The following GRM1 variants were observed in gnomAD, a reference collection of about 807,000 sequenced individuals.
GRM1 encodes the protein glutamate metabotropic receptor 1.
In GRM1, 33 loss-of-function variants were observed where a neutral mutation model predicts 90.9. That is an observed-to-expected ratio of 0.36 (90% CI 0.28 to 0.49). The LOEUF is 0.49. Ranked by LOEUF, GRM1 falls within the 20% of genes least tolerant of loss-of-function variation. The pLI, the probability that GRM1 is intolerant of heterozygous loss-of-function variation, is 0.99. For missense variants in GRM1, 1,190 were observed against 1,534.3 expected (o/e 0.78, Z 3.75); for synonymous variants, 700 against 613.2 (o/e 1.14, Z -2.09).
chr6:146,051,017 C>T (rs1791504192), intron 1 of GRM1, among the ~76,000 whole-genome samples: 1 of 151,874 alleles, frequency 6.6e-6, no homozygotes, highest in African/African-American at 2.4e-5. Flanking sequence ...AATTTTGGTT[C>T]CTCCATTTGT....
chr6:146,217,886 G>A (rs1314765885), intron 2 of GRM1, among the ~76,000 whole-genome samples: 1 of 152,146 alleles, frequency 6.6e-6, no homozygotes, highest in Non-Finnish European at 1.5e-5. Context: ...AAGAATAGAT[G>A]TTGTAAGGCA....
rs193171377 is a variant in GRM1, at chr6:146,272,506, G to C, written c.951-32105G>C. Among the ~76,000 whole-genome samples, 110 of 152,258 alleles carry C rather than the reference G, an allele frequency of 7.2e-4. 1 individual carries two copies. Among genetic ancestry groups the C allele is most frequent in the African/African-American group, 2.6e-3 (106 of 41,556 alleles). ...GTAGAACTGATAAATAGTGTTTACT[G>C]AATAAATACACTACTAAATTATTCC... On this transcript the variant is annotated intron_variant, in intron 2 of 7. Transcript: ENST00000282753.
chr6:146,235,707 T>C (rs1277819294), intron 2 of GRM1, among the ~76,000 whole-genome samples: 1 of 142,618 alleles, frequency 7.0e-6, no homozygotes, highest in Non-Finnish European at 1.5e-5. Flanking sequence ...TTACCGTGTG[T>C]GTGTGTGTGT....
intron 7 of GRM1, among the ~76,000 whole-genome samples, chr6:146,413,601 C>T (rs1475800482): frequency 6.6e-6 from 1 of 152,012 alleles, no homozygotes; most frequent in Admixed American, 6.5e-5. Flanking sequence ...CAATAATATG[C>T]ATTGATATTA....
At chr6:146,393,747 C>A (rs2114556691) in intron 6 of GRM1, among the ~76,000 whole-genome samples, 1 of 152,210 alleles carries the variant, frequency 6.6e-6, no homozygotes, top group Admixed American at 6.5e-5. Context: ...ACTTTCTTCA[C>A]AGAATTAGAA....
intron 7 of GRM1, among the ~76,000 whole-genome samples, chr6:146,418,304 G>A (rs892261084): frequency 6.6e-6 from 1 of 151,746 alleles, no homozygotes; most frequent in East Asian, 1.9e-4. Context: ...GTAAAGCTAA[G>A]AGGAAAAAGA....
At chr6:146,337,310 C>T (rs992336092) in intron 3 of GRM1, among the ~76,000 whole-genome samples, 1 of 152,232 alleles carries the variant, frequency 6.6e-6, no homozygotes, top group African/African-American at 2.4e-5. Context: ...TTTTACTTCT[C>T]TGTGCCTGTT....
intron 3 of GRM1, among the ~76,000 whole-genome samples, chr6:146,314,220 C>A (rs1227109907): frequency 6.6e-6 from 1 of 151,226 alleles, no homozygotes; most frequent in Non-Finnish European, 1.5e-5. Context: ...GCATGTGCTA[C>A]CATGCCCGAT....
At chr6:146,403,877 C>G (rs554470101) in intron 7 of GRM1, among the ~76,000 whole-genome samples, 1 of 152,154 alleles carries the variant, frequency 6.6e-6, no homozygotes, top group South Asian at 2.1e-4. Context: ...TGTAATATTT[C>G]AATACCTGAA....
At chr6:146,350,501 A>G (rs1334147217) in intron 3 of GRM1, among the ~76,000 whole-genome samples, 1 of 150,726 alleles carries the variant, frequency 6.6e-6, no homozygotes, top group Non-Finnish European at 1.5e-5. Context: ...GGTAATTTCT[A>G]TGATTCTAGT....
At chr6:146,298,709 A>G (rs893166994) in intron 2 of GRM1, among the ~76,000 whole-genome samples, 7 of 152,178 alleles carry the variant, frequency 4.6e-5, no homozygotes, top group East Asian at 3.9e-4. Flanking sequence ...TCTACTGAGT[A>G]AGGTGTGAGG....
chr6:146,040,034 A>T (rs1210612016), intron 1 of GRM1, among the ~76,000 whole-genome samples: 1 of 151,992 alleles, frequency 6.6e-6, no homozygotes. Flanking sequence ...ATGAAAATTG[A>T]TGGGATTGCC....
chr6:146,292,032 A>G (rs1783004538), intron 2 of GRM1, among the ~76,000 whole-genome samples: 1 of 152,058 alleles, frequency 6.6e-6, no homozygotes. Context: ...TTTTCAGTGA[A>G]GAAGCCAAGA....
intron 1 of GRM1, among the ~76,000 whole-genome samples, chr6:146,115,406 C>A (rs533472040): frequency 7.3e-4 from 111 of 152,196 alleles, no homozygotes; most frequent in Non-Finnish European, 1.2e-3. Context: ...TATTGCAATT[C>A]TGTTGCTTTA....
Position 146,434,610 on chromosome 6 carries a change from G to C in GRM1, c.3399G>C (p.Ala1133=). Reference sequence around the variant, plus strand: ...AAGAGGAGGAGGAGGACCTGCAGGCGGCCAGCAAACTGACCCCGGATGATT... The same window carrying C: ...AAGAGGAGGAGGAGGACCTGCAGGCCGCCAGCAAACTGACCCCGGATGATT... ...ELEEEEEDLQ[A]ASKLTPDDSP... The change falls in exon 8 of 8, where the codon GCG becomes GCC. Residue 1133 remains alanine (A), a synonymous_variant. Coordinates refer to ENST00000282753, the MANE Select transcript of GRM1 (RefSeq NM_001278064.2). The C allele has an allele frequency of 6.2e-7, 1 of 1,613,142 alleles. No individual in the cohort carries two copies. Among genetic ancestry groups the C allele is most frequent in the Non-Finnish European group, 8.5e-7 (1 of 1,180,016 alleles).
intron 1 of GRM1, among the ~76,000 whole-genome samples, chr6:146,058,187 A>G (rs1775545690): frequency 6.6e-6 from 1 of 152,112 alleles, no homozygotes; most frequent in Non-Finnish European, 1.5e-5. Context: ...CATGATAAAC[A>G]GTTTCCTAAG....
intron 2 of GRM1, among the ~76,000 whole-genome samples, chr6:146,200,682 A>G (rs2114613130): frequency 6.6e-6 from 1 of 152,266 alleles, no homozygotes; most frequent in East Asian, 1.9e-4. Context: ...GATGGGATTA[A>G]GTATGCAAAA....
At chr6:146,080,359 G>C (rs1421650772) in intron 1 of GRM1, among the ~76,000 whole-genome samples, 1 of 152,108 alleles carries the variant, frequency 6.6e-6, no homozygotes, top group African/African-American at 2.4e-5. Flanking sequence ...TCAATGAAGG[G>C]ATGATACTAC....
chr6:146,120,275 C>T (rs542008224), intron 1 of GRM1, among the ~76,000 whole-genome samples: 3 of 152,102 alleles, frequency 2.0e-5, no homozygotes, highest in Non-Finnish European at 4.4e-5. Context: ...TGTGATTTTT[C>T]CACATTGATT....
Sources: gnomAD v4.1 joint callset for allele counts (sites outside exome capture counted in the v4.1 genomes callset) on GRCh38, gnomAD v4.1.1 for gene constraint, MANE v1.5 for transcripts, NCBI Gene and HGNC (gene_info 2026-07-23, HGNC 2026-07-21) for gene names.